Variants in GUCY1A2 observed in about 807,000 individuals in gnomAD.
GUCY1A2 encodes guanylate cyclase 1 soluble subunit alpha 2, also known as guanylate cyclase soluble subunit alpha-2.
Under a neutral mutation model 63.5 loss-of-function variants are expected in GUCY1A2, and 27 were observed. The observed-to-expected ratio is 0.43, with a 90% CI of 0.31 to 0.59. GUCY1A2 has a LOEUF of 0.59. Ranked by LOEUF, GUCY1A2 falls within the 20% of genes least tolerant of loss-of-function variation. The pLI is 0.11. For missense variants in GUCY1A2, 768 were observed against 913.3 expected (o/e 0.84, Z 2.05); for synonymous variants, 364 against 343.5 (o/e 1.06, Z -0.66).
chr11:106,954,840 T>C (rs972192161), intron 3 of GUCY1A2, among the ~76,000 whole-genome samples: 1 of 152,178 alleles, frequency 6.6e-6, no homozygotes, highest in African/African-American at 2.4e-5. Flanking sequence ...TTCTTGTTTT[T>C]TTCTTTCCAT....
intron 2 of GUCY1A2, among the ~76,000 whole-genome samples, chr11:106,984,547 T>G (rs998823779): frequency 6.6e-6 from 1 of 152,158 alleles, no homozygotes; most frequent in Non-Finnish European, 1.5e-5. Context: ...AAGGTATACT[T>G]TAGTTCAAAA....
chr11:106,875,883 A>C (rs1346594463), intron 4 of GUCY1A2, among the ~76,000 whole-genome samples: 2 of 151,944 alleles, frequency 1.3e-5, no homozygotes, highest in African/African-American at 4.8e-5. Context: ...GTGCCAGAGG[A>C]AATGTGGCAC....
At chr11:106,844,129 G>A (rs1859239534) in intron 4 of GUCY1A2, among the ~76,000 whole-genome samples, 1 of 151,686 alleles carries the variant, frequency 6.6e-6, no homozygotes, top group Non-Finnish European at 1.5e-5. Flanking sequence ...TTCAGATTTG[G>A]CTGGCATTAC....
intron 3 of GUCY1A2, among the ~76,000 whole-genome samples, chr11:106,972,209 G>A (rs746693339): frequency 6.6e-6 from 1 of 152,138 alleles, no homozygotes; most frequent in African/African-American, 2.4e-5. Context: ...ATGGAATTTT[G>A]TTAATAATAA....
At chr11:106,881,923 T>A (rs1019009957) in intron 4 of GUCY1A2, among the ~76,000 whole-genome samples, 40 of 152,016 alleles carry the variant, frequency 2.6e-4, no homozygotes, top group Non-Finnish European at 1.5e-5. Flanking sequence ...ATTATCGTAA[T>A]ATTTTTAAAA....
At chr11:106,831,952 T>G (rs11211939) in intron 4 of GUCY1A2, among the ~76,000 whole-genome samples, 35,719 of 152,066 alleles carry the variant, frequency 0.23, 4,567 homozygotes, top group Non-Finnish European at 0.3. Flanking sequence ...TCCATCAAGA[T>G]TCTTTCCCAA....
Position 106,775,477 on chromosome 11 carries a change from G to T in GUCY1A2, c.1836+962C>A, listed in dbSNP as rs112528672. ...CTCTTAAGTTAAATTCACCAATTACGTTTTTTTTTTTCAATCTACACACGT... is the reference window on the plus strand; with the variant it reads ...CTCTTAAGTTAAATTCACCAATTACTTTTTTTTTTTTCAATCTACACACGT... On this transcript the variant is annotated intron_variant, in intron 6 of 7. Transcript: ENST00000526355. Among the ~76,000 whole-genome samples the T allele has an allele frequency of 1.2e-3, 172 of 146,728 alleles. 1 individual carries two copies. Among genetic ancestry groups the T allele is most frequent in the African/African-American group, 4.0e-3 (161 of 39,952 alleles).
intron 4 of GUCY1A2, among the ~76,000 whole-genome samples, chr11:106,842,796 C>T (rs984205591): frequency 2.0e-5 from 3 of 151,916 alleles, no homozygotes; most frequent in Non-Finnish European, 2.9e-5. Flanking sequence ...GTAGGTCCCA[C>T]TGGAGCTTGT....
chr11:106,674,875 A>G lies in GUCY1A2; in HGVS notation c.*12674T>C, dbSNP rs377366334. ...GATGCTAATGAAGGCCGAGCACATT[A>G]TAACTGTGTGTTTTTATTAAGTGAT... On this transcript the variant is annotated 3_prime_UTR_variant, in exon 8 of 8. Coordinates refer to ENST00000526355, the MANE Select transcript of GUCY1A2 (RefSeq NM_000855.3). 4.6e-6 allele frequency: 1 copy of G among 217,898 alleles called. No individual in the cohort carries two copies. The highest frequency in any genetic ancestry group is 2.2e-5 in the African/African-American group (1 of 44,476). 13.5% of individuals were successfully genotyped at this position (217,898 alleles called of 1,614,324 possible).
chr11:106,909,160 A>G (rs1303523845), intron 4 of GUCY1A2, among the ~76,000 whole-genome samples: 1 of 152,016 alleles, frequency 6.6e-6, no homozygotes, highest in Non-Finnish European at 1.5e-5. Flanking sequence ...TTTGTGCACT[A>G]CATTTTAATC....
At chr11:106,977,773 T>C (rs749477934) in intron 3 of GUCY1A2, among the ~76,000 whole-genome samples, 13 of 152,228 alleles carry the variant, frequency 8.5e-5, no homozygotes, top group Non-Finnish European at 1.6e-4. Flanking sequence ...TTCTGCATTC[T>C]GTGTGGAGTC....
At chr11:106,854,102 A>G (rs1859393847) in intron 4 of GUCY1A2, among the ~76,000 whole-genome samples, 1 of 152,154 alleles carries the variant, frequency 6.6e-6, no homozygotes, top group South Asian at 2.1e-4. Flanking sequence ...CTGTGGGGTG[A>G]CCCAGGTAGG....
chr11:106,917,975 A>T (rs1361751560), intron 4 of GUCY1A2, among the ~76,000 whole-genome samples: 2 of 144,316 alleles, frequency 1.4e-5, no homozygotes, highest in Non-Finnish European at 3.1e-5. Context: ...AAGCCCAACA[A>T]GGAGAAGTGG....
intron 5 of GUCY1A2, among the ~76,000 whole-genome samples, chr11:106,777,096 A>G (rs770877279): frequency 7.2e-5 from 11 of 152,140 alleles, no homozygotes; most frequent in Non-Finnish European, 1.6e-4. Flanking sequence ...ACCCCATACC[A>G]TTGCGTCAAC....
chr11:106,742,371 G>A (rs1423542432), intron 6 of GUCY1A2, among the ~76,000 whole-genome samples: 1 of 152,058 alleles, frequency 6.6e-6, no homozygotes, highest in Non-Finnish European at 1.5e-5. Context: ...CCCCACTGTG[G>A]GTTGTTCCCC....
chr11:106,777,275 C>T (rs1421695123), intron 5 of GUCY1A2, among the ~76,000 whole-genome samples: 2 of 151,924 alleles, frequency 1.3e-5, no homozygotes, highest in African/African-American at 4.8e-5. Context: ...GGTAAAACCC[C>T]ATCTCTACTG....
At chr11:106,970,391 T>G (rs1186125132) in intron 3 of GUCY1A2, among the ~76,000 whole-genome samples, 1 of 152,238 alleles carries the variant, frequency 6.6e-6, no homozygotes, top group Non-Finnish European at 1.5e-5. Context: ...AATAAATTTT[T>G]AAGCAGTTTC....
chr11:106,846,131 T>G (rs1012223709), intron 4 of GUCY1A2, among the ~76,000 whole-genome samples: 10 of 151,558 alleles, frequency 6.6e-5, no homozygotes, highest in Admixed American at 2.0e-4. Flanking sequence ...CTAAATGCAA[T>G]GTGTAATACT....
chr11:106,785,546 C>T (rs1453026111), intron 5 of GUCY1A2, among the ~76,000 whole-genome samples: 1 of 151,630 alleles, frequency 6.6e-6, no homozygotes, highest in Non-Finnish European at 1.5e-5. Context: ...AACTTTATAT[C>T]CCTGGACCTG....
Sources: allele counts gnomAD v4.1 joint callset (sites outside exome capture counted in the v4.1 genomes callset), GRCh38; gene constraint gnomAD v4.1.1; transcripts MANE v1.5; gene names NCBI Gene and HGNC (gene_info 2026-07-23, HGNC 2026-07-21).